RAD51AP2: variants seen among roughly 807,000 people sequenced by gnomAD.
The protein encoded by RAD51AP2 is RAD51 associated protein 2.
In RAD51AP2, 67 loss-of-function variants were observed where a neutral mutation model predicts 85.5. That is an observed-to-expected ratio of 0.78 (90% CI 0.64 to 0.96). The LOEUF is 0.96. Ranked by LOEUF, RAD51AP2 falls within the 40% of genes least tolerant of loss-of-function variation. RAD51AP2 has a pLI of 0.00. For missense variants in RAD51AP2, 1,307 were observed against 1,332.4 expected (o/e 0.98, Z 0.30); for synonymous variants, 474 against 446.5 (o/e 1.06, Z -0.78).
At position 17,517,139 on chromosome 2, in the gene RAD51AP2, GT is replaced by G. The variant is rs759722299; in HGVS notation, c.1276del (p.Thr426LeufsTer11). ...CKTKCENMKK[T>X]EEKWNWLLLL... ...TAATAGCCAATTCCATTTTTCTTCA[GT>G]TTTTTTCATATTTTCACATTTAGTC... On this transcript the variant is annotated frameshift_variant, in exon 1 of 3. Transcript: ENST00000399080. LOFTEE classifies it high-confidence loss of function. The G allele has an allele frequency of 1.2e-6, 2 of 1,609,040 alleles. No individual in the cohort carries two copies. Among genetic ancestry groups the G allele is most frequent in the Non-Finnish European group, 1.7e-6 (2 of 1,178,254 alleles).
At chr2:17,528,259 C>T in the RAD51AP2 span, among the ~76,000 whole-genome samples, 1 of 152,070 alleles carries the variant, frequency 6.6e-6, no homozygotes, top group Non-Finnish European at 1.5e-5. Context: ...TAATCAGAAA[C>T]TCCTTGAAGA....
upstream of RAD51AP2, among the ~76,000 whole-genome samples, chr2:17,522,533 T>TA (rs1662880968): frequency 6.6e-6 from 1 of 152,024 alleles, no homozygotes; most frequent in South Asian, 2.1e-4. Context: ...TCCTGAGCTC[T>TA]AAGTATTGGA....
chr2:17,521,608 G>A (rs1418284176), upstream of RAD51AP2, among the ~76,000 whole-genome samples: 2 of 151,888 alleles, frequency 1.3e-5, no homozygotes, highest in South Asian at 4.1e-4. Context: ...AACACAAATA[G>A]CACTTTTCAT....
chr2:17,520,587 GAATAA>G (rs1662837404), upstream of RAD51AP2, among the ~76,000 whole-genome samples: 2 of 152,134 alleles, frequency 1.3e-5, no homozygotes, highest in African/African-American at 4.8e-5. Context: ...AACTCTGAAT[GAATAA>G]AAGGATTAAT....
In RAD51AP2 at chr2:17,516,045, G is replaced by A; in HGVS notation, c.2371C>T (p.Gln791Ter). 5 of 1,613,744 alleles carry A rather than the reference G, an allele frequency of 3.1e-6. No homozygotes were observed. Among genetic ancestry groups the A allele is most frequent in the Non-Finnish European group, 4.2e-6 (5 of 1,179,804 alleles). The change falls in exon 1 of 3, where the codon CAA (glutamine) becomes TAA (stop). Residue 791 changes from glutamine (Q) to a stop codon, truncating the protein, a stop_gained. Coordinates refer to ENST00000399080, the MANE Select transcript of RAD51AP2 (RefSeq NM_001099218.3). LOFTEE classifies it high-confidence loss of function. ...TTGTGGCTTGCTGGTATGGCCTGTT[G>A]CCTAACATTGCAGAGATCTTCAAAT... ...HIFEDLCNVR[Q>*]QAIPASHNII...
At chr2:17,530,126 C>T in the RAD51AP2 span, among the ~76,000 whole-genome samples, 1 of 152,176 alleles carries the variant, frequency 6.6e-6, no homozygotes, top group African/African-American at 2.4e-5. Flanking sequence ...GGAGAAGATT[C>T]TATCATAAAT....
upstream of RAD51AP2, among the ~76,000 whole-genome samples, chr2:17,521,047 C>T (rs897376884): frequency 1.3e-5 from 2 of 151,968 alleles, no homozygotes; most frequent in Admixed American, 1.3e-4. Flanking sequence ...GTTTATATGT[C>T]CCCTCCACTA....
At chr2:17,526,198 G>A in the RAD51AP2 span, among the ~76,000 whole-genome samples, 1 of 151,846 alleles carries the variant, frequency 6.6e-6, no homozygotes, top group East Asian at 1.9e-4. Context: ...AAAAGACAGA[G>A]GATTTTCTTT....
intron 1 of RAD51AP2, among the ~76,000 whole-genome samples, chr2:17,514,787 G>A (rs933488349): frequency 6.6e-6 from 1 of 152,068 alleles, no homozygotes; most frequent in Non-Finnish European, 1.5e-5. Flanking sequence ...AGAAGTTAAG[G>A]ACATAGAATT....
the RAD51AP2 span, among the ~76,000 whole-genome samples, chr2:17,537,334 C>CA: frequency 6.3e-3 from 947 of 150,542 alleles, 8 homozygotes; most frequent in African/African-American, 0.017. Context: ...CTCAGAAAAA[C>CA]AAAAAAAAAT....
rs1337989014 is a variant in RAD51AP2, at chr2:17,517,233, A to C, written c.1183T>G (p.Trp395Gly). Reference sequence around the variant, plus strand: ...AAAATATGTCTAACGTTACAGTCCCAGTTTTGAGATTTTTCCAGCCTGGTA... The same window carrying C: ...AAAATATGTCTAACGTTACAGTCCCCGTTTTGAGATTTTTCCAGCCTGGTA... ...VLTRLEKSQN[W>G]DCNVRHILRR... The change falls in exon 1 of 3, where the codon TGG (tryptophan) becomes GGG (glycine). Residue 395 changes from tryptophan to glycine, a missense_variant. Physicochemically the swap from Trp to Gly is radical, Grantham distance 184. Transcript: ENST00000399080. The C allele has an allele frequency of 6.2e-7, 1 of 1,613,892 alleles. No homozygotes were observed. The highest frequency in any genetic ancestry group is 8.5e-7 in the Non-Finnish European group (1 of 1,179,920).
At chr2:17,524,568 A>G in the RAD51AP2 span, among the ~76,000 whole-genome samples, 13 of 152,048 alleles carry the variant, frequency 8.5e-5, no homozygotes, top group East Asian at 2.5e-3. Flanking sequence ...TTATTTCCAT[A>G]CTAATCAATT....
chr2:17,518,063 G>A lies in RAD51AP2; in HGVS notation c.353C>T (p.Pro118Leu), dbSNP rs748487398. 2.5e-6 allele frequency: 4 copies of A among 1,614,150 alleles called. No homozygotes were observed. Among genetic ancestry groups the A allele is most frequent in the Non-Finnish European group, 3.4e-6 (4 of 1,180,026 alleles). The change falls in exon 1 of 3, where the codon CCC becomes CTC. Residue 118 changes from proline (P) to leucine (L), a missense_variant. Coordinates refer to ENST00000399080, the MANE Select transcript of RAD51AP2 (RefSeq NM_001099218.3). The part of the protein sequence containing the change: ...KFQMSSCLQS[P>L]PSQSPDSDLR... Reference sequence around the variant, plus strand: ...ATCAGAATCAGGACTTTGTGAGGGGGGAGACTGCAAACAGCTACTCATTTG... The same window carrying A: ...ATCAGAATCAGGACTTTGTGAGGGGAGAGACTGCAAACAGCTACTCATTTG...
chr2:17,517,216 T>A lies in RAD51AP2; in HGVS notation c.1200A>T (p.Arg400Ser). 6.2e-7 allele frequency: 1 copy of A among 1,613,800 alleles called. No homozygotes were observed. Among genetic ancestry groups the A allele is most frequent in the East Asian group, 2.2e-5 (1 of 44,858 alleles). ...TTCCTCTATTTCTTCTCAAAATATGTCTAACGTTACAGTCCCAGTTTTGAG... is the reference window on the plus strand; with the variant it reads ...TTCCTCTATTTCTTCTCAAAATATGACTAACGTTACAGTCCCAGTTTTGAG... ...EKSQNWDCNV[R>S]HILRRNRGNC... is the part of the protein sequence containing the mutation. Residue 400 changes from arginine (R) to serine (S), a missense_variant, in exon 1 of 3, where the codon AGA becomes AGT. Coordinates refer to ENST00000399080, the MANE Select transcript of RAD51AP2 (RefSeq NM_001099218.3).
In RAD51AP2 at chr2:17,515,163, T is replaced by C. The variant is rs1662613101; in HGVS notation, c.3247+6A>G. On this transcript the variant is annotated splice_donor_region_variant and intron_variant, in intron 1 of 2. Transcript: ENST00000399080. The stretch of plus-strand genomic sequence containing the variant: ...GAGAAATAATGTTCTAAAATGAATT[T>C]CATACCTTTCTCAGAAGTAGAGTAA... 1 of 1,547,810 alleles carries C rather than the reference T, an allele frequency of 6.5e-7. No individual in the cohort carries two copies. Among genetic ancestry groups the C allele is most frequent in the African/African-American group, 1.4e-5 (1 of 72,588 alleles).
Position 17,517,557 on chromosome 2 carries a change from C to CT in RAD51AP2, c.858dup (p.Glu287ArgfsTer5), listed in dbSNP as rs750195367. 112 of 1,613,498 alleles carry CT rather than the reference C, an allele frequency of 6.9e-5. No homozygotes were observed. The highest frequency in any genetic ancestry group is 8.6e-5 in the Non-Finnish European group (101 of 1,179,912). On this transcript the variant is annotated frameshift_variant, in exon 1 of 3. Transcript: ENST00000399080. LOFTEE classifies it high-confidence loss of function. Reference sequence around the variant, plus strand: ...TTTGTGAAATCCCTAACATATGCCTCTTTTTTGTCATTCTTTTTCTTCGCT... The same window carrying CT: ...TTTGTGAAATCCCTAACATATGCCTCTTTTTTTGTCATTCTTTTTCTTCGCT...
Position 17,517,125 on chromosome 2 carries a change from T to A in RAD51AP2, c.1291A>T (p.Asn431Tyr). ...TCTATTTCTAATAATAATAGCCAATTCCATTTTTCTTCAGTTTTTTTCATA... is the reference window on the plus strand; with the variant it reads ...TCTATTTCTAATAATAATAGCCAATACCATTTTTCTTCAGTTTTTTTCATA... ...ENMKKTEEKW[N>Y]WLLLLEIDLL... The change falls in exon 1 of 3, where the codon AAT (asparagine) becomes TAT (tyrosine). Residue 431 changes from asparagine (N) to tyrosine (Y), a missense_variant. Physicochemically the swap from Asn to Tyr is moderately radical, Grantham distance 143. This residue lies in a region of RAD51AP2 where 635 missense variants were observed against 643.6 expected (regional missense o/e 0.99). Transcript: ENST00000399080. The A allele has an allele frequency of 6.2e-7, 1 of 1,611,156 alleles. No homozygotes were observed.
At chr2:17,526,474 A>G in the RAD51AP2 span, among the ~76,000 whole-genome samples, 1 of 152,216 alleles carries the variant, frequency 6.6e-6, no homozygotes, top group East Asian at 1.9e-4. Flanking sequence ...AAAAAATAAA[A>G]AGATGACTAT....
upstream of RAD51AP2, among the ~76,000 whole-genome samples, chr2:17,519,605 T>C (rs923835823): frequency 2.0e-5 from 3 of 152,190 alleles, no homozygotes; most frequent in African/African-American, 7.2e-5. Context: ...CAGTTTCATG[T>C]TTTTTAAATA....
Sources: allele counts gnomAD v4.1 joint callset (sites outside exome capture counted in the v4.1 genomes callset), GRCh38; gene constraint gnomAD v4.1.1; regional missense constraint gnomAD v4.1.1; transcripts MANE v1.5; gene names NCBI Gene and HGNC (gene_info 2026-07-23, HGNC 2026-07-21).